HIRA: variants seen among roughly 807,000 people sequenced by gnomAD.
HIRA encodes the protein protein HIRA.
In HIRA, 13 loss-of-function variants were observed where a neutral mutation model predicts 126.6. The ratio of observed to expected loss-of-function variants is 0.10; its 90% CI spans 0.07 to 0.16. The LOEUF is 0.16. Among genes scored for constraint, HIRA ranks in the 10% least tolerant of loss-of-function variants. The pLI, the probability that HIRA is intolerant of heterozygous loss-of-function variation, is 1.00. For synonymous variants in HIRA, 511 were observed against 520.0 expected (o/e 0.98, Z 0.24); for missense variants, 834 against 1,314.4 (o/e 0.63, Z 5.65).
intron 15 of HIRA, among the ~76,000 whole-genome samples, chr22:19,368,325 T>C (rs1435915129): frequency 1.3e-5 from 2 of 152,222 alleles, no homozygotes. Context: ...GAAGTGTCTG[T>C]TCCCCTTTCT....
Position 19,422,938 on chromosome 22 carries a change from C to G in HIRA, c.37+8502G>C, listed in dbSNP as rs192857148. Among the ~76,000 whole-genome samples the G allele has an allele frequency of 2.2e-3, 341 of 152,284 alleles. 2 individuals are homozygous for G. The highest frequency in any genetic ancestry group is 3.6e-3 in the Non-Finnish European group (248 of 68,022). ...GAGTAAAGGGCCCTGGTCTCCCACC[C>G]CAATCCACGACAATTCTGAAGGGCC... On this transcript the variant is annotated intron_variant, in intron 1 of 24. Coordinates refer to ENST00000263208, the MANE Select transcript of HIRA (RefSeq NM_003325.4).
intron 5 of HIRA, among the ~76,000 whole-genome samples, chr22:19,402,761 T>C (rs1412648291): frequency 6.6e-6 from 1 of 152,206 alleles, no homozygotes; most frequent in African/African-American, 2.4e-5. Flanking sequence ...AACTGTGAAC[T>C]GTAATATTTG....
intron 24 of HIRA, among the ~76,000 whole-genome samples, chr22:19,347,109 G>T (rs1007035638): frequency 1.3e-5 from 2 of 152,202 alleles, no homozygotes; most frequent in South Asian, 2.1e-4. Flanking sequence ...CCATGAGGGG[G>T]ACTCACTGGG....
rs2089121151 is a variant in HIRA, at chr22:19,385,756, C to T, written c.1114-20G>A. The T allele has an allele frequency of 3.7e-6, 6 of 1,604,494 alleles. No homozygotes were observed. The East Asian group carries it at 1.3e-4, about 36-fold the overall frequency. Reference sequence around the variant, plus strand: ...GCGGCTCTGGGGAAGCAAGGAGAGGCATGACATGCCAGCATGAGTGCCAGT... The same window carrying T: ...GCGGCTCTGGGGAAGCAAGGAGAGGTATGACATGCCAGCATGAGTGCCAGT... On this transcript the variant is annotated intron_variant, in intron 11 of 24. Transcript: ENST00000263208.
At chr22:19,385,069 A>G (rs1337786468) in intron 12 of HIRA, among the ~76,000 whole-genome samples, 1 of 152,240 alleles carries the variant, frequency 6.6e-6, no homozygotes, top group East Asian at 1.9e-4. Context: ...GAGGTTTGTC[A>G]GCCTACACAG....
chr22:19,353,992 G>C lies in HIRA; in HGVS notation c.2684+4C>G. ...ACAGTGGCCATGGCATTCAGGTCAC[G>C]TACTTGGAGGTGCGGCCCTGGATTA... is the stretch of plus-strand genomic sequence containing the variant. On this transcript the variant is annotated splice_donor_region_variant and intron_variant, in intron 22 of 24. Coordinates refer to ENST00000263208, the MANE Select transcript of HIRA (RefSeq NM_003325.4). The C allele has an allele frequency of 6.2e-7, 1 of 1,612,908 alleles. No homozygotes were observed. The highest frequency in any genetic ancestry group is 8.5e-7 in the Non-Finnish European group (1 of 1,179,546).
At chr22:19,340,818 GA>G (rs761544758) in intron 24 of HIRA, among the ~76,000 whole-genome samples, 8 of 152,172 alleles carry the variant, frequency 5.3e-5, no homozygotes, top group Non-Finnish European at 1.2e-4. Context: ...CCAAGGATGT[GA>G]AAGATCTCTA....
At chr22:19,420,897 C>T (rs1249992719) in intron 1 of HIRA, among the ~76,000 whole-genome samples, 2 of 152,224 alleles carry the variant, frequency 1.3e-5, no homozygotes, top group Non-Finnish European at 2.9e-5. Flanking sequence ...CTTCCACCTA[C>T]TTCCATTAGA....
intron 7 of HIRA, among the ~76,000 whole-genome samples, 190 bp downstream of exon 7, chr22:19,396,597 G>T (rs929900180): frequency 6.6e-6 from 1 of 152,214 alleles, no homozygotes; most frequent in Non-Finnish European, 1.5e-5. Context: ...AGAAATGAAG[G>T]ATTCTGTATT....
At chr22:19,347,001 C>T (rs567317227) in intron 24 of HIRA, among the ~76,000 whole-genome samples, 1 of 152,260 alleles carries the variant, frequency 6.6e-6, no homozygotes, top group South Asian at 2.1e-4. Flanking sequence ...CCACCACGGC[C>T]CAGAGTGCTT....
chr22:19,332,594 G>T (rs1556004880), intron 24 of HIRA, among the ~76,000 whole-genome samples: 1 of 150,990 alleles, frequency 6.6e-6, no homozygotes, highest in East Asian at 1.9e-4. Flanking sequence ...CTAATTAAGT[G>T]AAATTAAAAA....
At chr22:19,421,148 A>C (rs1275797067) in intron 1 of HIRA, among the ~76,000 whole-genome samples, 1 of 152,066 alleles carries the variant, frequency 6.6e-6, no homozygotes, top group African/African-American at 2.4e-5. Flanking sequence ...AAATACAAAA[A>C]ATTTATTGGG....
chr22:19,357,574 A>T (rs547374362), intron 18 of HIRA, among the ~76,000 whole-genome samples: 32 of 152,334 alleles, frequency 2.1e-4, no homozygotes, highest in Non-Finnish European at 4.1e-4. Context: ...AACAGTCTGG[A>T]CACTGTCCAG....
intron 2 of HIRA, among the ~76,000 whole-genome samples, chr22:19,409,386 C>T (rs566160966): frequency 2.0e-5 from 3 of 151,992 alleles, no homozygotes; most frequent in South Asian, 2.1e-4. Context: ...CAGGTTCCAG[C>T]GATTCTCCTA....
At chr22:19,381,090 C>G (rs951125917) in intron 13 of HIRA, among the ~76,000 whole-genome samples, 2 of 152,164 alleles carry the variant, frequency 1.3e-5, no homozygotes, top group Admixed American at 1.3e-4. Flanking sequence ...TTCTTTGAAG[C>G]CTCTCAGTAG....
intron 7 of HIRA, among the ~76,000 whole-genome samples, chr22:19,395,636 C>T (rs1236951002): frequency 6.6e-6 from 1 of 152,206 alleles, no homozygotes; most frequent in African/African-American, 2.4e-5. Context: ...CAAATGCGTG[C>T]TCTTCCTGCA....
At chr22:19,430,744 G>C (rs1379737228) in intron 1 of HIRA, among the ~76,000 whole-genome samples, 2 of 152,132 alleles carry the variant, frequency 1.3e-5, no homozygotes, top group African/African-American at 4.8e-5. Flanking sequence ...ATTACCACTA[G>C]CCTCTCTGTA....
chr22:19,333,870 T>G (rs546361040), intron 24 of HIRA, among the ~76,000 whole-genome samples: 1 of 152,354 alleles, frequency 6.6e-6, no homozygotes, highest in South Asian at 2.1e-4. Flanking sequence ...AGTCTGCTGT[T>G]GAACCCTTCT....
At chr22:19,431,167 C>T (rs2089534093) in intron 1 of HIRA, among the ~76,000 whole-genome samples, 1 of 152,230 alleles carries the variant, frequency 6.6e-6, no homozygotes, top group South Asian at 2.1e-4. Context: ...AGCCAGGCCG[C>T]GGCCCCTCCA....
Sources: allele counts gnomAD v4.1 joint callset (sites outside exome capture counted in the v4.1 genomes callset), GRCh38; gene constraint gnomAD v4.1.1; transcripts MANE v1.5; gene names NCBI Gene and HGNC (gene_info 2026-07-23, HGNC 2026-07-21).